TRDN: variants seen among roughly 807,000 people sequenced by gnomAD.
TRDN encodes the protein triadin, also known as triadin in skeletal muscle.
TRDN carries 161 observed loss-of-function variants against 149.7 expected under a neutral mutation model. The ratio of observed to expected loss-of-function variants is 1.08; its 90% CI spans 0.95 to 1.23. TRDN has a LOEUF of 1.23. TRDN is among the 50% of genes most tolerant of loss of function. The probability of loss-of-function intolerance (pLI) is 0.00; values close to 1 mark genes in which losing one functional copy is unlikely to be tolerated. For missense variants in TRDN, 896 were observed against 823.5 expected, an observed-to-expected ratio of 1.09 and a Z score of -1.08; for synonymous variants, 294 against 250.5, an observed-to-expected ratio of 1.17 and a Z score of -1.64.
At chr6:123,543,659 A>T (rs1022957771) in intron 4 of TRDN, among the ~76,000 whole-genome samples, 1 of 152,148 alleles carries the variant, frequency 6.6e-6, no homozygotes, top group Non-Finnish European at 1.5e-5. Context: ...ATTTTTCATC[A>T]TAAGTTGAAG....
intron 38 of TRDN, among the ~76,000 whole-genome samples, chr6:123,238,198 G>T (rs565624212): frequency 6.6e-6 from 1 of 152,084 alleles, no homozygotes; most frequent in African/African-American, 2.4e-5. Context: ...AAATGCAAAA[G>T]AAATGGTAAA....
At chr6:123,515,748 A>G (rs1171884695) in intron 6 of TRDN, among the ~76,000 whole-genome samples, 1 of 152,112 alleles carries the variant, frequency 6.6e-6, no homozygotes, top group Non-Finnish European at 1.5e-5. Context: ...TATCTATTCT[A>G]CATAAATAAA....
intron 5 of TRDN, among the ~76,000 whole-genome samples, chr6:123,528,375 G>A (rs1362903774): frequency 6.6e-6 from 1 of 150,982 alleles, no homozygotes. Context: ...ATATCATATT[G>A]TCCCTTGAAG....
chr6:123,528,618 A>G lies in TRDN; in HGVS notation c.484+1888T>C, dbSNP rs981473776. The stretch of plus-strand genomic sequence containing the variant: ...TTAAATTCCTAACTATCCATCACAT[A>G]CAACCATAACTGACATGGAACATGG... On this transcript the variant is annotated intron_variant, in intron 5 of 40. Transcript: ENST00000334268. 2.7e-5 allele frequency: 27 copies of G among 985,102 alleles called. No homozygotes were observed. In the African/African-American group the frequency reaches 4.2e-4, roughly 15 times the overall value. 61.0% of individuals were successfully genotyped at this position (985,102 alleles called of 1,614,324 possible).
rs755694152 is a variant in TRDN, at chr6:123,237,635, TA to T, written c.1976-13505del. On this transcript the variant is annotated intron_variant, in intron 38 of 40. Transcript: ENST00000334268. Reference sequence around the variant, plus strand: ...TTTGCTACATAGACAATCATGTGAATAGGGGTGGTTTTGTTTTTTCCTTTCC... The same window carrying T: ...TTTGCTACATAGACAATCATGTGAATGGGGTGGTTTTGTTTTTTCCTTTCC... 2.8e-4 allele frequency among the ~76,000 whole-genome samples: 42 copies of T among 152,312 alleles called. 1 individual carries two copies. Among genetic ancestry groups the T allele is most frequent in the African/African-American group, 9.6e-4 (40 of 41,580 alleles).
At chr6:123,550,316 G>C (rs1583227261) in intron 2 of TRDN, among the ~76,000 whole-genome samples, 1 of 151,944 alleles carries the variant, frequency 6.6e-6, no homozygotes, top group Non-Finnish European at 1.5e-5. Flanking sequence ...AAGAGAGAGG[G>C]AGAAGGAACC....
At chr6:123,582,120 T>A (rs1366310176) in intron 1 of TRDN, among the ~76,000 whole-genome samples, 1 of 152,060 alleles carries the variant, frequency 6.6e-6, no homozygotes, top group East Asian at 1.9e-4. Flanking sequence ...AAACCAATAA[T>A]CAATACATGT....
At chr6:123,519,603 T>G (rs1284987660) in intron 5 of TRDN, among the ~76,000 whole-genome samples, 1 of 151,946 alleles carries the variant, frequency 6.6e-6, no homozygotes, top group African/African-American at 2.4e-5. Flanking sequence ...TGCCAAAATT[T>G]GTAAAGTACT....
At chr6:123,442,680 T>A (rs55654804) in intron 10 of TRDN, among the ~76,000 whole-genome samples, 1 of 152,078 alleles carries the variant, frequency 6.6e-6, no homozygotes, top group Non-Finnish European at 1.5e-5. Context: ...ATTACTATAT[T>A]TTACAAATAA....
chr6:123,565,859 T>G (rs768619670), intron 2 of TRDN, among the ~76,000 whole-genome samples: 2 of 152,242 alleles, frequency 1.3e-5, no homozygotes, highest in Non-Finnish European at 2.9e-5. Flanking sequence ...AATTGTAATT[T>G]GTGGTGGTGA....
intron 22 of TRDN, among the ~76,000 whole-genome samples, chr6:123,332,258 T>C (rs1779687432): frequency 6.6e-6 from 1 of 151,842 alleles, no homozygotes; most frequent in African/African-American, 2.4e-5. Flanking sequence ...GCAGAAGTCT[T>C]CCAAAACTGT....
chr6:123,224,159 A>G, intron 38 of TRDN, 28 bp from the exon 39 acceptor site: 3 of 1,603,588 alleles, frequency 1.9e-6, no homozygotes, highest in Non-Finnish European at 2.6e-6. Context: ...GGCACATAGA[A>G]TCACAGTCAA....
At chr6:123,362,764 C>A (rs17085282) in intron 20 of TRDN, among the ~76,000 whole-genome samples, 11,965 of 152,094 alleles carry the variant, frequency 0.079, 1,587 homozygotes, top group African/African-American at 0.27. Context: ...AAACTTCAGG[C>A]CAGCTTAGTG....
At chr6:123,468,438 C>T (rs886093578) in intron 9 of TRDN, among the ~76,000 whole-genome samples, 1 of 152,130 alleles carries the variant, frequency 6.6e-6, no homozygotes, top group Non-Finnish European at 1.5e-5. Flanking sequence ...TGGCAAATTG[C>T]TAATACTTTA....
chr6:123,590,828 C>A (rs987837609), intron 1 of TRDN, among the ~76,000 whole-genome samples: 9 of 152,082 alleles, frequency 5.9e-5, no homozygotes, highest in African/African-American at 1.9e-4. Context: ...ATGTGCTTAA[C>A]TCATCCTGAA....
At position 123,411,166 on chromosome 6, in the gene TRDN, C is replaced by A. The variant is rs1243820461; in HGVS notation, c.1052-17489G>T. On this transcript the variant is annotated intron_variant, in intron 12 of 40. Transcript: ENST00000334268. ...GGTTCAAGCGATTATCCAACCTCAGCCTCACGAGTAGCTGGGGTTACAGGT... is the reference window on the plus strand; with the variant it reads ...GGTTCAAGCGATTATCCAACCTCAGACTCACGAGTAGCTGGGGTTACAGGT... Among the ~76,000 whole-genome samples, 10 of 151,588 alleles carry A rather than the reference C, an allele frequency of 6.6e-5. 1 individual carries two copies.
intron 21 of TRDN, among the ~76,000 whole-genome samples, chr6:123,343,490 T>C (rs1252455137): frequency 6.6e-6 from 1 of 151,922 alleles, no homozygotes; most frequent in African/African-American, 2.4e-5. Context: ...AGAAATATAA[T>C]TGAATATAAG....
intron 1 of TRDN, among the ~76,000 whole-genome samples, chr6:123,599,241 T>A (rs1039394501): frequency 6.6e-6 from 1 of 152,110 alleles, no homozygotes; most frequent in Non-Finnish European, 1.5e-5. Flanking sequence ...GCTCTGTACA[T>A]GAAATTCTAA....
intron 20 of TRDN, among the ~76,000 whole-genome samples, chr6:123,361,661 T>C (rs1387104070): frequency 6.6e-6 from 1 of 152,188 alleles, no homozygotes; most frequent in Non-Finnish European, 1.5e-5. Context: ...TGTCACCCTT[T>C]AGGGTTTTTG....
Sources: allele counts gnomAD v4.1 joint callset (sites outside exome capture counted in the v4.1 genomes callset), GRCh38; gene constraint gnomAD v4.1.1; transcripts MANE v1.5; gene names NCBI Gene and HGNC (gene_info 2026-07-23, HGNC 2026-07-21).